UTRN: variants seen among roughly 807,000 people sequenced by gnomAD.
UTRN encodes dystrophin-related protein 1.
UTRN carries 283 observed loss-of-function variants against 463.9 expected under a neutral mutation model. The ratio of observed to expected loss-of-function variants is 0.61; its 90% CI spans 0.55 to 0.67. The LOEUF is 0.67. Among genes scored for constraint, UTRN ranks in the 30% least tolerant of loss-of-function variants. The pLI is 0.00. For missense variants in UTRN, 3,922 were observed against 4,084.3 expected (o/e 0.96, Z 1.08); for synonymous variants, 1,442 against 1,431.5 (o/e 1.01, Z -0.17).
intron 54 of UTRN, among the ~76,000 whole-genome samples, chr6:144,739,237 G>C (rs527887922): frequency 1.4e-3 from 213 of 152,146 alleles, no homozygotes; most frequent in African/African-American, 4.9e-3. Flanking sequence ...TATATTTTGT[G>C]ATACAACGAA....
At chr6:144,768,789 G>T (rs1446200904) in intron 58 of UTRN, among the ~76,000 whole-genome samples, 1 of 152,014 alleles carries the variant, frequency 6.6e-6, no homozygotes, top group African/African-American at 2.4e-5. Flanking sequence ...AGCTTTGCAG[G>T]ATACCCACTC....
chr6:144,851,082 A>C lies in UTRN; in HGVS notation c.*85A>C, dbSNP rs1189846244. The C allele has an allele frequency of 6.3e-7, 1 of 1,578,786 alleles. No homozygotes were observed. Among genetic ancestry groups the C allele is most frequent in the East Asian group, 2.2e-5 (1 of 44,654 alleles). On this transcript the variant is annotated 3_prime_UTR_variant, in exon 75 of 75. Transcript: ENST00000367545. Reference sequence around the variant, plus strand: ...CCAATTCCAAGTTCCATTAAATCAGAAGCTCCATGGCTCCTTGGCCCACGA... The same window carrying C: ...CCAATTCCAAGTTCCATTAAATCAGCAGCTCCATGGCTCCTTGGCCCACGA...
intron 65 of UTRN, among the ~76,000 whole-genome samples, chr6:144,819,911 C>CCCCCTCCTCCTCCACT (rs1779435050): frequency 8.4e-6 from 1 of 118,610 alleles, no homozygotes; most frequent in Non-Finnish European, 1.7e-5. Flanking sequence ...TCCTCCTCCT[C>CCCCCTCCTCCTCCACT]CTCTCTCTCT....
chr6:144,420,487 A>G (rs7740206), intron 3 of UTRN, among the ~76,000 whole-genome samples: 5,378 of 152,266 alleles, frequency 0.035, 294 homozygotes, highest in African/African-American at 0.11. Flanking sequence ...TGTATCACAG[A>G]CAGGCAAGGA....
chr6:144,396,633 A>C (rs1240515331), intron 2 of UTRN, among the ~76,000 whole-genome samples: 2 of 152,212 alleles, frequency 1.3e-5, no homozygotes, highest in Non-Finnish European at 2.9e-5. Context: ...TAAATGGGTA[A>C]ATTGTATGGT....
intron 34 of UTRN, among the ~76,000 whole-genome samples, chr6:144,510,589 A>G (rs983669635): frequency 6.6e-6 from 1 of 152,144 alleles, no homozygotes; most frequent in African/African-American, 2.4e-5. Flanking sequence ...GCCAGCTTGT[A>G]GTTACTGAAA....
chr6:144,477,157 A>G (rs1562459803), intron 25 of UTRN, among the ~76,000 whole-genome samples: 1 of 152,202 alleles, frequency 6.6e-6, no homozygotes, highest in Non-Finnish European at 1.5e-5. Context: ...TGGGAACAGT[A>G]GAACTGGGAG....
chr6:144,440,767 C>T (rs1253976677), intron 13 of UTRN, among the ~76,000 whole-genome samples: 1 of 152,124 alleles, frequency 6.6e-6, no homozygotes, highest in Non-Finnish European at 1.5e-5. Flanking sequence ...TTTCACACTG[C>T]TGATAAAGAC....
At chr6:144,696,846 C>CTG (rs1586073401) in intron 52 of UTRN, among the ~76,000 whole-genome samples, 1 of 151,894 alleles carries the variant, frequency 6.6e-6, no homozygotes, top group East Asian at 1.9e-4. Context: ...CTTACTCACA[C>CTG]TATTTCCTTT....
rs117314474 is a variant in UTRN, at chr6:144,509,146, T to C, written c.4765-1798T>C. 2.4e-3 allele frequency among the ~76,000 whole-genome samples: 373 copies of C among 152,302 alleles called. 13 individuals carry two copies. The East Asian group carries it at 0.059, about 24-fold the overall frequency. On this transcript the variant is annotated intron_variant, in intron 34 of 74. Transcript: ENST00000367545. ...TAGTGCAGAATTGATATCTTTGTTA[T>C]ATTAATTCTATTCGGTAACATATAT...
chr6:144,376,539 G>A (rs528959991), intron 2 of UTRN, among the ~76,000 whole-genome samples: 3 of 151,804 alleles, frequency 2.0e-5, no homozygotes, highest in Admixed American at 6.5e-5. Context: ...CAAGCAATCC[G>A]CCCTCCTCGG....
Position 144,429,690 on chromosome 6 carries a change from A to T in UTRN, c.804A>T (p.Thr268=). ...VTIDAIREVE[T]LPRKYKKECE... ...TAGACGCCATCCGTGAGGTAGAGAC[A>T]CTCCCAAGGAAATATAAAAAAGAAT... Residue 268 remains threonine, a synonymous_variant, in exon 9 of 75, where the codon ACA becomes ACT. Transcript: ENST00000367545. 6.2e-7 allele frequency: 1 copy of T among 1,612,694 alleles called. No homozygotes were observed. The highest frequency in any genetic ancestry group is 1.1e-5 in the South Asian group (1 of 90,734).
intron 9 of UTRN, among the ~76,000 whole-genome samples, chr6:144,434,098 C>T (rs962078031): frequency 1.1e-4 from 16 of 152,226 alleles, no homozygotes; most frequent in Admixed American, 5.2e-4. Context: ...CCCGGCACCT[C>T]GGGAGGCCGA....
intron 2 of UTRN, among the ~76,000 whole-genome samples, chr6:144,300,086 A>ATTTT (rs10677686): frequency 7.0e-6 from 1 of 142,416 alleles, no homozygotes; most frequent in Non-Finnish European, 1.5e-5. Flanking sequence ...AAGTCTTGTG[A>ATTTT]TTTTTTTTTT....
At chr6:144,495,135 G>T (rs1006972779) in intron 33 of UTRN, among the ~76,000 whole-genome samples, 6 of 152,218 alleles carry the variant, frequency 3.9e-5, no homozygotes, top group Non-Finnish European at 7.3e-5. Context: ...TTCCAGTCCC[G>T]CACCGTGGGC....
intron 52 of UTRN, among the ~76,000 whole-genome samples, chr6:144,683,705 C>T (rs1346141787): frequency 2.0e-5 from 3 of 152,118 alleles, no homozygotes; most frequent in South Asian, 2.1e-4. Flanking sequence ...AAACTCTTTT[C>T]AATAGAGGTT....
intron 54 of UTRN, among the ~76,000 whole-genome samples, chr6:144,741,035 C>T (rs1562846444): frequency 6.6e-6 from 1 of 152,146 alleles, no homozygotes; most frequent in African/African-American, 2.4e-5. Flanking sequence ...ACTCTTTGAG[C>T]GTGGTATAAT....
chr6:144,403,020 G>A, intron 2 of UTRN, 103 bp from the exon 3 acceptor site: 1 of 1,010,742 alleles, frequency 9.9e-7, no homozygotes, highest in Non-Finnish European at 1.5e-6. Flanking sequence ...TCGACTAATA[G>A]GACTATTTTA....
At chr6:144,677,078 T>A (rs1464320395) in intron 51 of UTRN, among the ~76,000 whole-genome samples, 3 of 152,120 alleles carry the variant, frequency 2.0e-5, no homozygotes, top group African/African-American at 4.8e-5. Context: ...TTTAAAAAAA[T>A]TGAGGAGTCA....
Sources: allele counts gnomAD v4.1 joint callset (sites outside exome capture counted in the v4.1 genomes callset), GRCh38; gene constraint gnomAD v4.1.1; transcripts MANE v1.5; gene names NCBI Gene and HGNC (gene_info 2026-07-23, HGNC 2026-07-21).